SERPINB10: variants seen among roughly 807,000 people sequenced by gnomAD.
SERPINB10 encodes the protein serpin B10.
Under a neutral mutation model 39.1 loss-of-function variants are expected in SERPINB10, and 35 were observed. The ratio of observed to expected loss-of-function variants is 0.90; its 90% CI spans 0.68 to 1.19. SERPINB10 has a LOEUF of 1.19. Among genes scored for constraint, SERPINB10 ranks in the 50% most tolerant of loss-of-function variants. SERPINB10 has a pLI of 0.00. For missense variants in SERPINB10, 546 were observed against 460.5 expected (o/e 1.19, Z -1.70); for synonymous variants, 190 against 158.1 (o/e 1.20, Z -1.52).
intron 2 of SERPINB10, among the ~76,000 whole-genome samples, chr18:63,916,617 G>C (rs2050104924): frequency 6.6e-6 from 1 of 152,054 alleles, no homozygotes; most frequent in Non-Finnish European, 1.5e-5. Context: ...GTTAATGACA[G>C]GTTCATTAGC....
chr18:63,932,555 G>A lies in SERPINB10; in HGVS notation c.634-493G>A, dbSNP rs181073674. On this transcript the variant is annotated intron_variant, in intron 6 of 7. Transcript: ENST00000238508. ...ATCTTTTGCCCATTTAAAAAAACTG[G>A]CTTGTTTGTTTTATTATTGTTGAGT... Among the ~76,000 whole-genome samples the A allele has an allele frequency of 1.7e-3, 260 of 152,056 alleles. 3 individuals carry two copies. The highest frequency in any genetic ancestry group is 2.8e-3 in the Non-Finnish European group (189 of 67,980).
In SERPINB10 at chr18:63,918,068, C is replaced by G; in HGVS notation, c.338C>G (p.Ala113Gly). ...NDDYLLKTAN[A>G]IYGEKTYAFH... ...GACTACTTACTTAAAACAGCCAATGCGATATATGGAGAGAAAACGTATGCA... is the reference window on the plus strand; with the variant it reads ...GACTACTTACTTAAAACAGCCAATGGGATATATGGAGAGAAAACGTATGCA... Residue 113 changes from alanine (A) to glycine (G), a missense_variant, in exon 4 of 8, where the codon GCG becomes GGG. Physicochemically the swap from Ala to Gly is moderately conservative, Grantham distance 60 (BLOSUM62 0). Coordinates refer to ENST00000238508, the MANE Select transcript of SERPINB10 (RefSeq NM_005024.3). 6.2e-7 allele frequency: 1 copy of G among 1,612,132 alleles called. No homozygotes were observed. The highest frequency in any genetic ancestry group is 8.5e-7 in the Non-Finnish European group (1 of 1,178,872).
In SERPINB10 at chr18:63,915,592, ATCT is replaced by A. The variant is rs747495550; in HGVS notation, c.87_89del (p.Phe30del). ...AGCTGAATCTGCTCAGGGTAAAAATATCTTCTTTTCTTCCTGGAGCATCTCAAC... is the reference window on the plus strand; with the variant it reads ...AGCTGAATCTGCTCAGGGTAAAAATATCTTTTCTTCCTGGAGCATCTCAAC... On this transcript the variant is annotated inframe_deletion, in exon 2 of 8. Transcript: ENST00000238508. 5 of 1,612,880 alleles carry A rather than the reference ATCT, an allele frequency of 3.1e-6. No individual in the cohort carries two copies. In the East Asian group the frequency reaches 1.1e-4, roughly 36 times the overall value.
chr18:63,934,391 G>T (rs973645997), intron 7 of SERPINB10, among the ~76,000 whole-genome samples: 1 of 151,832 alleles, frequency 6.6e-6, no homozygotes, highest in Non-Finnish European at 1.5e-5. Context: ...TTAATCTCAC[G>T]TTGTTTTGAT....
intron 5 of SERPINB10, among the ~76,000 whole-genome samples, chr18:63,926,866 G>A (rs756421826): frequency 5.3e-5 from 8 of 151,902 alleles, no homozygotes; most frequent in Non-Finnish European, 8.8e-5. Flanking sequence ...ATCATTTAAC[G>A]ATATTTTATA....
At chr18:63,912,645 A>G (rs2050072950) in intron 1 of SERPINB10, among the ~76,000 whole-genome samples, 1 of 151,976 alleles carries the variant, frequency 6.6e-6, no homozygotes, top group Non-Finnish European at 1.5e-5. Flanking sequence ...ATGGTGGTAA[A>G]TTAACTTTTT....
intron 2 of SERPINB10, 40 bp from the exon 3 acceptor site, chr18:63,917,416 C>A: frequency 1.7e-6 from 2 of 1,178,664 alleles, no homozygotes; most frequent in South Asian, 1.4e-5. Flanking sequence ...ATAATTACTT[C>A]TCTGCAGTCT....
intron 7 of SERPINB10, among the ~76,000 whole-genome samples, chr18:63,933,843 C>A (rs7244331): frequency 6.6e-6 from 1 of 152,206 alleles, no homozygotes; most frequent in African/African-American, 2.4e-5. Flanking sequence ...TCTCATGCAA[C>A]GGATGGCCTG....
chr18:63,916,879 T>C (rs2050106973), intron 2 of SERPINB10, among the ~76,000 whole-genome samples: 1 of 152,022 alleles, frequency 6.6e-6, no homozygotes, highest in South Asian at 2.1e-4. Flanking sequence ...GTCCAGGACT[T>C]GGCAGATAAA....
chr18:63,931,823 G>C (rs1387374204), intron 6 of SERPINB10, among the ~76,000 whole-genome samples: 1 of 152,034 alleles, frequency 6.6e-6, no homozygotes, highest in Non-Finnish European at 1.5e-5. Flanking sequence ...CTGTTCTATG[G>C]ATTTTGAAAA....
chr18:63,929,291 T>C (rs576648841), intron 5 of SERPINB10, among the ~76,000 whole-genome samples: 2 of 152,306 alleles, frequency 1.3e-5, no homozygotes, highest in South Asian at 4.1e-4. Flanking sequence ...ATTTTTTTGT[T>C]AGAAATTTAA....
Position 63,919,780 on chromosome 18 carries a change from T to G in SERPINB10, c.373-8T>G, listed in dbSNP as rs2050132770. ...CTACAAAAGGGGATTTTTATCTATG[T>G]CTTTCAGAAATATTTAGAAGACATG... is the stretch of plus-strand genomic sequence containing the variant. On this transcript the variant is annotated splice_polypyrimidine_tract_variant and splice_region_variant and intron_variant, in intron 4 of 7. Transcript: ENST00000238508. The G allele has an allele frequency of 2.6e-6, 4 of 1,547,162 alleles. No homozygotes were observed. Among genetic ancestry groups the G allele is most frequent in the African/African-American group, 2.9e-5 (2 of 69,558 alleles).
intron 4 of SERPINB10, 147 bp from the exon 5 acceptor site, chr18:63,919,641 A>C: frequency 1.9e-6 from 1 of 528,678 alleles, no homozygotes; most frequent in Non-Finnish European, 3.3e-6. Context: ...TTTTGACCAA[A>C]ACTGGGAGTC....
At chr18:63,923,673 C>T (rs1025299093) in intron 5 of SERPINB10, among the ~76,000 whole-genome samples, 4 of 151,740 alleles carry the variant, frequency 2.6e-5, no homozygotes, top group South Asian at 2.1e-4. Flanking sequence ...AATATAAAGG[C>T]CTTTAGGTAA....
At chr18:63,931,897 C>T (rs984734064) in intron 6 of SERPINB10, among the ~76,000 whole-genome samples, 3 of 152,156 alleles carry the variant, frequency 2.0e-5, no homozygotes, top group African/African-American at 7.2e-5. Context: ...CCTAAAAGTG[C>T]CCTGTGCTTC....
chr18:63,928,808 T>C (rs2050198403), intron 5 of SERPINB10, among the ~76,000 whole-genome samples: 1 of 145,988 alleles, frequency 6.8e-6, no homozygotes, highest in Non-Finnish European at 1.5e-5. Flanking sequence ...TTTGAAGCAA[T>C]TGTGAATGGG....
intron 5 of SERPINB10, among the ~76,000 whole-genome samples, chr18:63,927,534 C>T (rs1040063464): frequency 3.3e-5 from 5 of 152,010 alleles, no homozygotes; most frequent in Admixed American, 6.6e-5. Context: ...TCATTGTCAT[C>T]GCATAGTGGA....
At chr18:63,916,528 A>G (rs2050104271) in intron 2 of SERPINB10, among the ~76,000 whole-genome samples, 1 of 152,020 alleles carries the variant, frequency 6.6e-6, no homozygotes, top group African/African-American at 2.4e-5. Flanking sequence ...TTGGGATAAC[A>G]TCCTTACTCT....
At position 63,935,170 on chromosome 18, in the gene SERPINB10, C is replaced by A; in HGVS notation, c.1122C>A (p.His374Gln). 1 of 1,612,708 alleles carries A rather than the reference C, an allele frequency of 6.2e-7. No individual in the cohort carries two copies. ...RVPSIEFNAN[H>Q]PFLFFIRHNK... ...CATCCATTGAATTCAATGCAAATCACCCATTCCTCTTCTTCATCAGGCACA... is the reference window on the plus strand; with the variant it reads ...CATCCATTGAATTCAATGCAAATCAACCATTCCTCTTCTTCATCAGGCACA... Residue 374 changes from histidine (H) to glutamine (Q), a missense_variant, in exon 8 of 8, where the codon CAC becomes CAA. By Grantham distance (24) the His-to-Gln change is conservative. Transcript: ENST00000238508.
Sources: gnomAD v4.1 joint callset for allele counts (sites outside exome capture counted in the v4.1 genomes callset) on GRCh38, gnomAD v4.1.1 for gene constraint, MANE v1.5 for transcripts, NCBI Gene and HGNC (gene_info 2026-07-23, HGNC 2026-07-21) for gene names.